The following MROH9 variants were observed in gnomAD, a reference collection of about 807,000 sequenced individuals.
The protein encoded by MROH9 is maestro heat like repeat family member 9.
MROH9 carries 92 observed loss-of-function variants against 98.2 expected under a neutral mutation model. The observed-to-expected ratio is 0.94, with a 90% CI of 0.79 to 1.11. The LOEUF is 1.11. Ranked by LOEUF, MROH9 falls within the 50% of genes most tolerant of loss-of-function variation. The pLI, the probability that MROH9 is intolerant of heterozygous loss-of-function variation, is 0.00. For missense variants in MROH9, 1,057 were observed against 1,014.8 expected, an observed-to-expected ratio of 1.04 and a Z score of -0.57; for synonymous variants, 397 against 368.9, an observed-to-expected ratio of 1.08 and a Z score of -0.87.
chr1:171,016,105 G>C (rs1399166299), intron 16 of MROH9, 58 bp from the exon 17 acceptor site: 1 of 1,210,300 alleles, frequency 8.3e-7, no homozygotes, highest in Non-Finnish European at 1.1e-6. Context: ...CCATATAAAT[G>C]TCAGCTCAAG....
chr1:170,978,786 A>G (rs897246831), intron 8 of MROH9, among the ~76,000 whole-genome samples: 1 of 152,082 alleles, frequency 6.6e-6, no homozygotes, highest in African/African-American at 2.4e-5. Context: ...ACCTGTGTGG[A>G]AAATAGCCCA....
rs1654100722 is a variant in MROH9 at position 171,064,222 on chromosome 1, A to G, written c.2468A>G (p.Lys823Arg). ...TSAPLKQNFQKLLKLFYIKKL... is the reference protein window; with the variant it reads ...TSAPLKQNFQRLLKLFYIKKL... ...GCACCTCTTAAACAAAACTTCCAAA[A>G]ATTGCTTAAATTATTCTACATCAAA... is the stretch of plus-strand genomic sequence containing the variant. The change falls in exon 22 of 22, where the codon AAA becomes AGA. Residue 823 changes from lysine to arginine, a missense_variant. Physicochemically the swap from Lys to Arg is conservative, Grantham distance 26 (BLOSUM62 2). Coordinates refer to ENST00000367759, the MANE Select transcript of MROH9 (RefSeq NM_001163629.2). The G allele has an allele frequency of 6.4e-7, 1 of 1,551,634 alleles. No homozygotes were observed. The highest frequency in any genetic ancestry group is 8.7e-7 in the Non-Finnish European group (1 of 1,146,942).
chr1:170,949,263 C>T, intron 3 of MROH9, among the ~76,000 whole-genome samples: 1 of 151,966 alleles, frequency 6.6e-6, no homozygotes, highest in Non-Finnish European at 1.5e-5. Context: ...CCAACACTTC[C>T]ACAAGTTGTG....
At chr1:170,995,043 G>C (rs1479560588) in intron 12 of MROH9, among the ~76,000 whole-genome samples, 1 of 151,986 alleles carries the variant, frequency 6.6e-6, no homozygotes, top group East Asian at 1.9e-4. Context: ...TTTGAGCACA[G>C]GTAGGACCTA....
intron 8 of MROH9, among the ~76,000 whole-genome samples, chr1:170,979,464 T>G (rs35759351): frequency 0.091 from 13,798 of 152,110 alleles, 708 homozygotes; most frequent in Middle Eastern, 0.14. Flanking sequence ...TTGGAAAAAA[T>G]GGATATTTAT....
At chr1:171,050,840 C>T (rs1409369563) in intron 20 of MROH9, among the ~76,000 whole-genome samples, 1 of 152,040 alleles carries the variant, frequency 6.6e-6, no homozygotes, top group African/African-American at 2.4e-5. Flanking sequence ...AGGTATGTTC[C>T]TTATGTGCCT....
Position 170,992,219 on chromosome 1 carries a change from G to T in MROH9, c.1084G>T (p.Val362Leu), listed in dbSNP as rs189860161. The T allele has an allele frequency of 4.2e-5, 67 of 1,613,426 alleles. No individual in the cohort carries two copies. The African/African-American group carries it at 7.2e-4, about 17-fold the overall frequency. Residue 362 changes from valine (V) to leucine (L), a missense_variant, in exon 12 of 22, where the codon GTG (valine) becomes TTG (leucine). Physicochemically the swap from Val to Leu is conservative, Grantham distance 32. Transcript: ENST00000367759. The part of the protein sequence containing the change: ...ACSQASVAPH[V>L]LKTILLILKG... ...TTCTCAGGCGAGCGTGGCCCCTCAC[G>T]TGCTGAAGACAATCTTATTGATACT...
intron 8 of MROH9, among the ~76,000 whole-genome samples, chr1:170,979,568 A>G (rs2101795475): frequency 6.6e-6 from 1 of 152,342 alleles, no homozygotes; most frequent in Admixed American, 6.5e-5. Flanking sequence ...AAAACTATAG[A>G]ACTCAAAGAA....
chr1:170,996,416 G>T, intron 13 of MROH9, 91 bp from the exon 14 acceptor site: 2 of 1,430,494 alleles, frequency 1.4e-6, no homozygotes, highest in Non-Finnish European at 1.9e-6. Context: ...CCTATATTCT[G>T]CCCAAGATGG....
At chr1:171,039,518 A>T (rs1653226961) in intron 20 of MROH9, among the ~76,000 whole-genome samples, 1 of 152,184 alleles carries the variant, frequency 6.6e-6, no homozygotes, top group Non-Finnish European at 1.5e-5. Context: ...AAGAGGTCAC[A>T]CACACTTCTT....
At chr1:170,980,705 A>G (rs1355225792) in intron 8 of MROH9, among the ~76,000 whole-genome samples, 1 of 152,234 alleles carries the variant, frequency 6.6e-6, no homozygotes, top group Non-Finnish European at 1.5e-5. Context: ...GGACATAAGC[A>G]TGGGCAAAGA....
chr1:170,971,910 A>C, intron 8 of MROH9, 27 bp downstream of exon 8: 99 of 1,604,694 alleles, frequency 6.2e-5, no homozygotes, highest in Non-Finnish European at 8.0e-5. Context: ...ATCTTTTCTC[A>C]GGATTACTAA....
chr1:171,016,288 C>T lies in MROH9; in HGVS notation c.1860C>T (p.Tyr620=), dbSNP rs1396526658. The T allele has an allele frequency of 2.0e-6, 3 of 1,537,980 alleles. No homozygotes were observed. Among genetic ancestry groups the T allele is most frequent in the African/African-American group, 1.4e-5 (1 of 72,374 alleles). Residue 620 remains tyrosine, a synonymous_variant, in exon 17 of 22, where the codon TAC becomes TAT. Coordinates refer to ENST00000367759, the MANE Select transcript of MROH9 (RefSeq NM_001163629.2). ...RLLNELDKVT[Y]SLGTRIGSSY... Reference sequence around the variant, plus strand: ...TAAACGAACTGGACAAAGTGACCTACTCTTTGGGTACCAGAATTGGTTCCA... The same window carrying T: ...TAAACGAACTGGACAAAGTGACCTATTCTTTGGGTACCAGAATTGGTTCCA...
At chr1:171,056,767 C>A (rs973046648) in intron 20 of MROH9, among the ~76,000 whole-genome samples, 2 of 152,198 alleles carry the variant, frequency 1.3e-5, no homozygotes, top group Admixed American at 6.5e-5. Context: ...AGGCACCCAT[C>A]TTTGCTGTTC....
intron 20 of MROH9, among the ~76,000 whole-genome samples, chr1:171,048,626 T>C (rs1653542202): frequency 6.6e-6 from 1 of 152,142 alleles, no homozygotes; most frequent in Admixed American, 6.5e-5. Flanking sequence ...AAGAGCCCAC[T>C]TGATGCTCTG....
chr1:170,962,825 A>G (rs1650068645), intron 6 of MROH9, among the ~76,000 whole-genome samples: 1 of 152,168 alleles, frequency 6.6e-6, no homozygotes, highest in Admixed American at 6.5e-5. Flanking sequence ...ACAAAAATTA[A>G]CTGAAGATGG....
chr1:171,012,792 C>T (rs190935372), intron 15 of MROH9, among the ~76,000 whole-genome samples: 7 of 152,230 alleles, frequency 4.6e-5, no homozygotes, highest in African/African-American at 1.2e-4. Context: ...CATGAGCCAC[C>T]GCACCCGGCC....
intron 9 of MROH9, among the ~76,000 whole-genome samples, chr1:170,984,182 A>C (rs1283627243): frequency 6.6e-6 from 1 of 152,148 alleles, no homozygotes; most frequent in African/African-American, 2.4e-5. Context: ...ACACACGTTG[A>C]GCTAGTAGTT....
At chr1:171,055,852 T>C (rs957502569) in intron 20 of MROH9, among the ~76,000 whole-genome samples, 4 of 151,962 alleles carry the variant, frequency 2.6e-5, no homozygotes, top group South Asian at 2.1e-4. Flanking sequence ...GTGTGATCCA[T>C]GGAGAGAAAG....
Sources: gnomAD v4.1 joint callset for allele counts (sites outside exome capture counted in the v4.1 genomes callset) on GRCh38, gnomAD v4.1.1 for gene constraint, MANE v1.5 for transcripts, NCBI Gene and HGNC (gene_info 2026-07-23, HGNC 2026-07-21) for gene names.